Variants in FRY observed in about 807,000 individuals in gnomAD.
FRY encodes FRY microtubule binding protein.
FRY carries 128 observed loss-of-function variants against 348.4 expected under a neutral mutation model. The ratio of observed to expected loss-of-function variants is 0.37; its 90% CI spans 0.32 to 0.43. The LOEUF (loss-of-function observed/expected upper bound fraction) is 0.43, where lower values mean the gene tolerates loss of function less well. FRY is among the 20% of genes least tolerant of loss of function. The pLI is 1.00. For missense variants in FRY, 2,736 were observed against 3,695.2 expected (o/e 0.74, Z 6.73); for synonymous variants, 1,370 against 1,374.7 (o/e 1.00, Z 0.08).
chr13:32,076,896 A>G (rs1366088099), intron 1 of FRY, among the ~76,000 whole-genome samples: 2 of 152,256 alleles, frequency 1.3e-5, no homozygotes, highest in Non-Finnish European at 2.9e-5. Flanking sequence ...GCAGCAGTCT[A>G]TTGAGCCTTT....
In FRY at chr13:32,298,837, C is replaced by G. The variant is rs139211109; in HGVS notation, c.*3377C>G. 1 of 152,194 alleles carries G rather than the reference C, an allele frequency of 6.6e-6. No individual in the cohort carries two copies. The highest frequency in any genetic ancestry group is 1.9e-4 in the East Asian group (1 of 5,198). 9.4% of individuals were successfully genotyped at this position (152,194 alleles called of 1,614,324 possible). On this transcript the variant is annotated 3_prime_UTR_variant, in exon 61 of 61. Coordinates refer to ENST00000542859, the MANE Select transcript of FRY (RefSeq NM_023037.3). ...GACCGGGTGAAATGAGTGAAGAGAGCGTTCAGAGAGGACAGCCAAAAGCTC... is the reference window on the plus strand; with the variant it reads ...GACCGGGTGAAATGAGTGAAGAGAGGGTTCAGAGAGGACAGCCAAAAGCTC...
At chr13:32,116,289 C>T (rs1014446015) in intron 3 of FRY, among the ~76,000 whole-genome samples, 46 of 152,130 alleles carry the variant, frequency 3.0e-4, no homozygotes, top group African/African-American at 1.1e-3. Flanking sequence ...CAACTCTGGG[C>T]GTTATAATTT....
intron 2 of FRY, among the ~76,000 whole-genome samples, chr13:32,099,431 G>A (rs1593611233): frequency 6.6e-6 from 1 of 151,040 alleles, no homozygotes; most frequent in Non-Finnish European, 1.5e-5. Flanking sequence ...GCAATACCGC[G>A]TGAGTTGAGT....
At chr13:32,235,963 A>G (rs1886204099) in intron 42 of FRY, 115 bp from the exon 43 acceptor site, 1 of 826,092 alleles carries the variant, frequency 1.2e-6, no homozygotes, top group African/African-American at 1.7e-5. Flanking sequence ...TTTAGACTTC[A>G]TAAATTAAAG....
At chr13:32,095,529 G>A (rs151108847) in intron 2 of FRY, among the ~76,000 whole-genome samples, 207 of 152,036 alleles carry the variant, frequency 1.4e-3, no homozygotes, top group African/African-American at 4.9e-3. Flanking sequence ...ATTTTTGGTA[G>A]AGACGGGATT....
At chr13:32,104,940 G>A (rs7319720) in intron 3 of FRY, among the ~76,000 whole-genome samples, 67 of 152,244 alleles carry the variant, frequency 4.4e-4, no homozygotes, top group African/African-American at 1.2e-3. Flanking sequence ...ATGCAGAACC[G>A]TGAGCCAATT....
At chr13:32,153,446 T>C (rs1385049684) in intron 14 of FRY, among the ~76,000 whole-genome samples, 1 of 152,206 alleles carries the variant, frequency 6.6e-6, no homozygotes, top group Non-Finnish European at 1.5e-5. Context: ...AAAGTCTATG[T>C]ACTATTTGAT....
intron 35 of FRY, among the ~76,000 whole-genome samples, chr13:32,218,243 T>A (rs935695806): frequency 2.0e-5 from 3 of 152,246 alleles, no homozygotes; most frequent in Admixed American, 2.0e-4. Flanking sequence ...TTTGGACTTG[T>A]GCTTATGAGC....
intron 4 of FRY, among the ~76,000 whole-genome samples, chr13:32,122,760 G>A (rs1363794337): frequency 6.6e-6 from 1 of 152,162 alleles, no homozygotes; most frequent in East Asian, 1.9e-4. Context: ...ACTGTTTGCT[G>A]ACAATATGAT....
intron 1 of FRY, among the ~76,000 whole-genome samples, chr13:32,033,274 A>G (rs539446816): frequency 4.4e-4 from 67 of 152,340 alleles, no homozygotes; most frequent in African/African-American, 1.5e-3. Flanking sequence ...TGATTAATGA[A>G]AAGAATTTGA....
intron 1 of FRY, among the ~76,000 whole-genome samples, chr13:32,062,704 G>C (rs1158285208): frequency 6.6e-6 from 1 of 152,012 alleles, no homozygotes; most frequent in East Asian, 1.9e-4. Context: ...TTTACATGTT[G>C]ATAAAATCAA....
At position 32,236,069 on chromosome 13, in the gene FRY, G is replaced by A; in HGVS notation, c.5716-9G>A. ...GCAATACAAAATGCTATCTTTGCAT[G>A]TTTGGCAGGGTTATGTAATGGAAGC... is the stretch of plus-strand genomic sequence containing the variant. On this transcript the variant is annotated splice_polypyrimidine_tract_variant and intron_variant, in intron 42 of 60. Coordinates refer to ENST00000542859, the MANE Select transcript of FRY (RefSeq NM_023037.3). 1 of 1,597,012 alleles carries A rather than the reference G, an allele frequency of 6.3e-7. No individual in the cohort carries two copies. Among genetic ancestry groups the A allele is most frequent in the South Asian group, 1.1e-5 (1 of 90,716 alleles).
rs77953156 is a variant in FRY at position 32,084,746 on chromosome 13, G to A, written c.270+5713G>A. ...TTATGATACTTTCAGTTGTGCATGT[G>A]CATACCAGACCATAGTGTATTTTTT... On this transcript the variant is annotated intron_variant, in intron 2 of 60. Transcript: ENST00000542859. Among the ~76,000 whole-genome samples, 589 of 152,280 alleles carry A rather than the reference G, an allele frequency of 3.9e-3. 3 individuals carry two copies. Among genetic ancestry groups the A allele is most frequent in the African/African-American group, 0.014 (566 of 41,562 alleles).
intron 18 of FRY, among the ~76,000 whole-genome samples, chr13:32,172,404 A>T (rs1480796356): frequency 6.6e-6 from 1 of 152,224 alleles, no homozygotes; most frequent in Non-Finnish European, 1.5e-5. Flanking sequence ...TCAGCTGTCC[A>T]CTAGTTATTT....
rs761435676 is a variant in FRY, at chr13:32,194,246, A to G, written c.3695A>G (p.Tyr1232Cys). ...WAIDRCYTGS[Y>C]QLASGCFKAI... is the part of the protein sequence containing the mutation. ...ATTGACCGATGCTACACAGGTTCCT[A>G]CCAACTTGCATCTGGCTGCTTCAAA... Residue 1232 changes from tyrosine to cysteine, a missense_variant, in exon 29 of 61, where the codon TAC becomes TGC. Physicochemically the swap from Tyr to Cys is radical, Grantham distance 194. This residue lies in a region of FRY where 794 missense variants were observed against 977.0 expected (regional missense o/e 0.81). Coordinates refer to ENST00000542859, the MANE Select transcript of FRY (RefSeq NM_023037.3). 4 of 1,614,082 alleles carry G rather than the reference A, an allele frequency of 2.5e-6. No homozygotes were observed. In the African/African-American group the frequency reaches 5.3e-5, roughly 22 times the overall value.
At position 32,244,162 on chromosome 13, in the gene FRY, A is replaced by G. The variant is rs1306992558; in HGVS notation, c.6808A>G (p.Thr2270Ala). Residue 2270 changes from threonine to alanine, a missense_variant, in exon 47 of 61, where the codon ACA (threonine) becomes GCA (alanine). Transcript: ENST00000542859. ...VKQFNVEVLK[T>A]IEKYVQSVHW... Reference sequence around the variant, plus strand: ...ACAGTTCAATGTGGAAGTTCTGAAGACAATTGAAAAATATGTGCAAGTGAG... The same window carrying G: ...ACAGTTCAATGTGGAAGTTCTGAAGGCAATTGAAAAATATGTGCAAGTGAG... 2 of 1,613,810 alleles carry G rather than the reference A, an allele frequency of 1.2e-6. No individual in the cohort carries two copies. The highest frequency in any genetic ancestry group is 1.1e-5 in the South Asian group (1 of 91,082).
chr13:32,288,605 A>T (rs1889187066), intron 58 of FRY, among the ~76,000 whole-genome samples: 1 of 152,234 alleles, frequency 6.6e-6, no homozygotes. Context: ...AACAGTTTTA[A>T]GTCACCTTAG....
chr13:32,142,139 CAGA>C (rs958641853), intron 11 of FRY, among the ~76,000 whole-genome samples: 16 of 152,170 alleles, frequency 1.1e-4, no homozygotes, highest in Middle Eastern at 3.4e-3. Context: ...AATACAAAGA[CAGA>C]AGAAGAAGAA....
In FRY at chr13:32,178,162, C is replaced by G. The variant is rs1882483307; in HGVS notation, c.2422-15C>G. 6.2e-7 allele frequency: 1 copy of G among 1,613,872 alleles called. No homozygotes were observed. On this transcript the variant is annotated splice_polypyrimidine_tract_variant and intron_variant, in intron 20 of 60. Coordinates refer to ENST00000542859, the MANE Select transcript of FRY (RefSeq NM_023037.3). ...AGTTCGGGTTTAACTTACAACCTACCTCTTATACCTACAGGCAACATTACC... is the reference window on the plus strand; with the variant it reads ...AGTTCGGGTTTAACTTACAACCTACGTCTTATACCTACAGGCAACATTACC...
Sources: gnomAD v4.1 joint callset for allele counts (sites outside exome capture counted in the v4.1 genomes callset) on GRCh38, gnomAD v4.1.1 for gene constraint, gnomAD v4.1.1 regional missense constraint, MANE v1.5 for transcripts, NCBI Gene and HGNC (gene_info 2026-07-23, HGNC 2026-07-21) for gene names.